Variants in MICALL2 observed in about 807,000 individuals in gnomAD.
MICALL2 encodes the protein MICAL like 2.
MICALL2 carries 111 observed loss-of-function variants against 91.1 expected under a neutral mutation model. The observed-to-expected ratio is 1.22, with a 90% confidence interval of 1.04 to 1.43. The LOEUF (loss-of-function observed/expected upper bound fraction) is 1.43, where lower values mean the gene tolerates loss of function less well. Among genes scored for constraint, MICALL2 ranks in the 40% most tolerant of loss-of-function variants. The pLI is 0.00. For missense variants in MICALL2, 1,556 were observed against 1,236.0 expected (o/e 1.26, Z -3.88); for synonymous variants, 694 against 525.3 (o/e 1.32, Z -4.39).
At chr7:1,442,510 G>GCA in intron 6 of MICALL2, 26 bp from the exon 7 acceptor site, 1 of 1,514,444 alleles carries the variant, frequency 6.6e-7, no homozygotes, top group East Asian at 2.3e-5. Context: ...CAGGCATCAG[G>GCA]CACAGCTGGA....
At chr7:1,439,697 A>G (rs754702474) in intron 9 of MICALL2, 4 of 428,838 alleles carry the variant, frequency 9.3e-6, no homozygotes, top group Non-Finnish European at 1.6e-5. Context: ...GCACACATGC[A>G]TCACGCATGG....
intron 16 of MICALL2, 33 bp downstream of exon 16, chr7:1,435,068 C>CA: frequency 6.2e-7 from 1 of 1,610,158 alleles, no homozygotes. Context: ...CCCAGCCAGC[C>CA]AGCCCAGCCC....
chr7:1,434,603 G>C lies in MICALL2; in HGVS notation c.2708C>G (p.Ser903Cys). The C allele has an allele frequency of 3.8e-6, 6 of 1,596,918 alleles. No homozygotes were observed. Among genetic ancestry groups the C allele is most frequent in the Non-Finnish European group, 4.3e-6 (5 of 1,174,718 alleles). ...IWSPKSKSSP[S>C]Q is the part of the protein sequence containing the mutation. ...CCACGGCCCTACTGGCTACTACTGG[G>C]AGGGGCTGCTTTTGCTTTTTGGTGA... Residue 903 changes from serine to cysteine, a missense_variant, in exon 17 of 17, where the codon TCC (serine) becomes TGC (cysteine). By Grantham distance (112) the Ser-to-Cys change is moderately radical. Coordinates refer to ENST00000297508, the MANE Select transcript of MICALL2 (RefSeq NM_182924.4).
intron 1 of MICALL2, among the ~76,000 whole-genome samples, chr7:1,454,728 C>T (rs980908825): frequency 2.0e-5 from 3 of 152,204 alleles, no homozygotes; most frequent in East Asian, 3.9e-4. Context: ...AGCCCACCCT[C>T]GGCCCTGGCC....
intron 11 of MICALL2, 33 bp downstream of exon 11, chr7:1,438,256 T>C (rs1453143005): frequency 6.3e-7 from 1 of 1,588,344 alleles, no homozygotes; most frequent in Non-Finnish European, 8.6e-7. Flanking sequence ...GCCGGAGGGC[T>C]GGGCCCCTGC....
chr7:1,434,506 A>C lies in MICALL2; in HGVS notation c.*90T>G. The C allele has an allele frequency of 8.5e-7, 1 of 1,177,418 alleles. No individual in the cohort carries two copies. The highest frequency in any genetic ancestry group is 1.3e-6 in the Non-Finnish European group (1 of 784,964). The allele number at this position is 1,177,418 out of a possible 1,614,324, so 72.9% of individuals were successfully genotyped here. A position where few individuals can be genotyped will look rare whatever the true frequency, so the allele number is the denominator to read the frequency against. On this transcript the variant is annotated 3_prime_UTR_variant, in exon 17 of 17. Transcript: ENST00000297508. ...GGGCCGAGCCCACGGCCCCGAGTAC[A>C]AGTCCGGGTTCCGGGTCCGGGCCAA...
intron 14 of MICALL2, chr7:1,437,204 A>C (rs1780014541): frequency 2.0e-6 from 1 of 491,986 alleles, no homozygotes; most frequent in Admixed American, 4.0e-5. Flanking sequence ...GCATCACGAG[A>C]CAAATGCCTA....
At chr7:1,437,285 C>T (rs368558986) in intron 14 of MICALL2, 12 of 512,360 alleles carry the variant, frequency 2.3e-5, no homozygotes, top group Middle Eastern at 5.2e-4. Context: ...ACAACAGCTG[C>T]GTGAGGTGGG....
In MICALL2 at chr7:1,434,556, G is replaced by T; in HGVS notation, c.*40C>A. On this transcript the variant is annotated 3_prime_UTR_variant, in exon 17 of 17. Coordinates refer to ENST00000297508, the MANE Select transcript of MICALL2 (RefSeq NM_182924.4). ...AGCCCATGGCCCCGAGTCCAAGTCC[G>T]GATGCCAGGTCCGGGCCGAGCCCAC... 3.8e-6 allele frequency: 6 copies of T among 1,561,354 alleles called. No individual in the cohort carries two copies. Among genetic ancestry groups the T allele is most frequent in the Non-Finnish European group, 5.3e-6 (6 of 1,132,540 alleles).
In MICALL2 at chr7:1,442,367, C is replaced by T. The variant is rs760914141; in HGVS notation, c.1536G>A (p.Ser512=). ...TCAGCGGGGCTGGCGGTTCCATCCT[C>T]GAAGGGAGGCCAAGCACCCGGGGAG... ...SSSPRVLGLP[S]RMEPPAPLST... is the part of the protein sequence containing the mutation. The change falls in exon 7 of 17, where the codon TCG becomes TCA. Residue 512 remains serine (S), a synonymous_variant. Coordinates refer to ENST00000297508, the MANE Select transcript of MICALL2 (RefSeq NM_182924.4). The T allele has an allele frequency of 2.0e-5, 33 of 1,611,648 alleles. No individual in the cohort carries two copies. The highest frequency in any genetic ancestry group is 2.6e-5 in the Non-Finnish European group (31 of 1,178,798).
Position 1,444,665 on chromosome 7 carries a change from G to A in MICALL2, c.1405C>T (p.Pro469Ser), listed in dbSNP as rs756745534. The change falls in exon 6 of 17, where the codon CCG (proline) becomes TCG (serine). Residue 469 changes from proline to serine, a missense_variant. Physicochemically the swap from Pro to Ser is moderately conservative, Grantham distance 74. Coordinates refer to ENST00000297508, the MANE Select transcript of MICALL2 (RefSeq NM_182924.4). ...CCACGCGCTCACCTGCCAGGCGCCG[G>A]AGCGCCAGCCTCTTCCAGCGCTGAG... ...ALSALEEAGAPAPGRPSPATA... is the reference protein window; with the variant it reads ...ALSALEEAGASAPGRPSPATA... The A allele has an allele frequency of 1.9e-6, 3 of 1,610,670 alleles. No homozygotes were observed. Among genetic ancestry groups the A allele is most frequent in the East Asian group, 2.2e-5 (1 of 44,870 alleles).
At chr7:1,450,493 G>GCT (rs1209348300) in intron 1 of MICALL2, 3 of 580,022 alleles carry the variant, frequency 5.2e-6, no homozygotes, top group Non-Finnish European at 9.5e-6. Context: ...TGGGACCGTA[G>GCT]TACGACATCA....
At chr7:1,456,358 G>C (rs571823737) in intron 1 of MICALL2, among the ~76,000 whole-genome samples, 3 of 152,210 alleles carry the variant, frequency 2.0e-5, no homozygotes, top group African/African-American at 7.2e-5. Context: ...GAAGAGGGCA[G>C]ATGGATCACT....
chr7:1,450,188 G>A, intron 2 of MICALL2, 52 bp downstream of exon 2: 2 of 1,502,886 alleles, frequency 1.3e-6, no homozygotes, highest in Non-Finnish European at 1.8e-6. Flanking sequence ...ACGTGGGTGG[G>A]GCTCAGCAGG....
Position 1,438,950 on chromosome 7 carries a change from G to A in MICALL2, c.2012C>T (p.Ala671Val), listed in dbSNP as rs369224668. 3.1e-6 allele frequency: 5 copies of A among 1,603,604 alleles called. No individual in the cohort carries two copies. Among genetic ancestry groups the A allele is most frequent in the South Asian group, 1.1e-5 (1 of 91,046 alleles). Residue 671 changes from alanine (A) to valine (V), a missense_variant, in exon 10 of 17, where the codon GCC becomes GTC. Coordinates refer to ENST00000297508, the MANE Select transcript of MICALL2 (RefSeq NM_182924.4). ...CCAGTTGTCACAAACGTCGAGGCTG[G>A]CAGGGACGGCCAGTCTCCTGCGGCG... ...PPRRRRLAVP[A>V]SLDVCDNWLR...
chr7:1,459,231 G>A lies in MICALL2; in HGVS notation c.96C>T (p.Asp32=), dbSNP rs761325093. Residue 32 remains aspartate (D), a synonymous_variant, in exon 1 of 17, where the codon GAC becomes GAT. Transcript: ENST00000297508. ...NICNMTTSFR[D]GLAFCAILHR... is the part of the protein sequence containing the mutation. ...GCAGGATGGCGCAGAAAGCCAGGCC[G>A]TCGCGGAACGACGTGGTCATGTTGC... 4 of 1,611,060 alleles carry A rather than the reference G, an allele frequency of 2.5e-6. No individual in the cohort carries two copies. Among genetic ancestry groups the A allele is most frequent in the Non-Finnish European group, 3.4e-6 (4 of 1,179,050 alleles).
chr7:1,444,239 C>T (rs1189159182), intron 6 of MICALL2, among the ~76,000 whole-genome samples: 3 of 124,846 alleles, frequency 2.4e-5, no homozygotes, highest in Non-Finnish European at 4.9e-5. Context: ...CACTCAGACC[C>T]GCCAGCGTGG....
chr7:1,449,335 G>A (rs918933107), intron 2 of MICALL2, among the ~76,000 whole-genome samples: 1 of 152,124 alleles, frequency 6.6e-6, no homozygotes, highest in Non-Finnish European at 1.5e-5. Context: ...TTATGTTTTT[G>A]GAGACAGAGT....
In MICALL2 at chr7:1,446,841, C is replaced by A. The variant is rs1366318950; in HGVS notation, c.526-13G>T. The A allele has an allele frequency of 3.2e-6, 5 of 1,552,096 alleles. No homozygotes were observed. Among genetic ancestry groups the A allele is most frequent in the East Asian group, 2.3e-5 (1 of 42,938 alleles). ...CCAATGCCTGGTCCTGGGGAAGATG[C>A]CAGCACCTCTCTGAGCAGCCGTCCA... On this transcript the variant is annotated splice_polypyrimidine_tract_variant and intron_variant, in intron 4 of 16. Transcript: ENST00000297508.
Sources: allele counts gnomAD v4.1 joint callset (sites outside exome capture counted in the v4.1 genomes callset), GRCh38; gene constraint gnomAD v4.1.1; transcripts MANE v1.5; gene names NCBI Gene and HGNC (gene_info 2026-07-23, HGNC 2026-07-21).